Variants in ITIH2 observed in about 807,000 individuals in gnomAD.
ITIH2 encodes the protein inter-alpha-trypsin inhibitor heavy chain H2.
ITIH2 carries 103 observed loss-of-function variants against 104.4 expected under a neutral mutation model. The observed-to-expected ratio is 0.99, with a 90% CI of 0.84 to 1.16. ITIH2 has a LOEUF of 1.16. ITIH2 is among the 50% of genes most tolerant of loss of function. The pLI, the probability that ITIH2 is intolerant of heterozygous loss-of-function variation, is 0.00. For missense variants in ITIH2, 1,108 were observed against 1,162.4 expected (o/e 0.95, Z 0.68); for synonymous variants, 436 against 435.4 (o/e 1.00, Z -0.02).
chr10:7,721,599 C>T, intron 7 of ITIH2, 50 bp from the exon 8 acceptor site: 6 of 1,578,390 alleles, frequency 3.8e-6, no homozygotes, highest in Non-Finnish European at 5.2e-6. Flanking sequence ...CAGCGCCAAG[C>T]ACTGGGAAGG....
intron 20 of ITIH2, 73 bp downstream of exon 20, chr10:7,746,777 A>G: frequency 2.2e-6 from 2 of 894,746 alleles, no homozygotes; most frequent in Non-Finnish European, 3.7e-6. Context: ...AAAATAGAGG[A>G]GCAAAGAAGA....
intron 6 of ITIH2, among the ~76,000 whole-genome samples, chr10:7,718,872 G>A (rs987850190): frequency 1.6e-4 from 24 of 152,168 alleles, no homozygotes; most frequent in African/African-American, 5.1e-4. Flanking sequence ...CATCATCACC[G>A]CAGGGGAGCA....
intron 9 of ITIH2, among the ~76,000 whole-genome samples, chr10:7,725,175 GT>G (rs916870864): frequency 2.6e-5 from 4 of 152,108 alleles, no homozygotes; most frequent in African/African-American, 9.7e-5. Context: ...TTTGATAAAA[GT>G]TTTTTTAAAA....
chr10:7,743,598 A>C (rs1835147274), intron 17 of ITIH2, among the ~76,000 whole-genome samples: 1 of 151,476 alleles, frequency 6.6e-6, no homozygotes, highest in Non-Finnish European at 1.5e-5. Context: ...AAATGATGAA[A>C]CCCCACCCCC....
chr10:7,736,669 T>G (rs1213595216), intron 15 of ITIH2, among the ~76,000 whole-genome samples: 1 of 152,114 alleles, frequency 6.6e-6, no homozygotes, highest in Non-Finnish European at 1.5e-5. Flanking sequence ...TGTTTACAAA[T>G]AAGAAGTAAA....
chr10:7,736,163 T>C (rs1269204317), intron 15 of ITIH2, among the ~76,000 whole-genome samples: 1 of 152,048 alleles, frequency 6.6e-6, no homozygotes, highest in Non-Finnish European at 1.5e-5. Flanking sequence ...CCTATGAACA[T>C]GAGACGAGCC....
chr10:7,707,580 T>C (rs1048022677), intron 3 of ITIH2, among the ~76,000 whole-genome samples: 2 of 152,214 alleles, frequency 1.3e-5, no homozygotes, highest in Admixed American at 6.5e-5. Flanking sequence ...TTTTTATTTT[T>C]TTGAGACAGA....
At position 7,717,587 on chromosome 10, in the gene ITIH2, A is replaced by G. The variant is rs761278752; in HGVS notation, c.468-39A>G. 22 of 1,595,244 alleles carry G rather than the reference A, an allele frequency of 1.4e-5. 2 individuals are homozygous for G. In the South Asian group the frequency reaches 1.9e-4, roughly 14 times the overall value. ...AGATTCTGGGTCTTGCTGCTCAATC[A>G]TGTATCTGTTGACTTTTGTTGGGGG... is the stretch of plus-strand genomic sequence containing the variant. On this transcript the variant is annotated intron_variant, in intron 5 of 20. Transcript: ENST00000358415.
At chr10:7,710,696 A>C (rs746647415) in intron 4 of ITIH2, among the ~76,000 whole-genome samples, 17 of 152,210 alleles carry the variant, frequency 1.1e-4, no homozygotes, top group Non-Finnish European at 2.2e-4. Context: ...AGGCAGAAAA[A>C]GGCATTGTGT....
At chr10:7,707,655 C>T (rs1834760016) in intron 3 of ITIH2, among the ~76,000 whole-genome samples, 1 of 151,986 alleles carries the variant, frequency 6.6e-6, no homozygotes, top group Admixed American at 6.6e-5. Context: ...AACCTCTGCC[C>T]CCTGGGTTCA....
At chr10:7,717,411 G>A (rs1834860243) in intron 5 of ITIH2, among the ~76,000 whole-genome samples, 1 of 152,228 alleles carries the variant, frequency 6.6e-6, no homozygotes, top group Admixed American at 6.5e-5. Context: ...GAAGCTCTGG[G>A]AGCTGGAGAT....
intron 16 of ITIH2, among the ~76,000 whole-genome samples, 181 bp downstream of exon 16, chr10:7,738,939 A>T (rs1835099222): frequency 6.6e-6 from 1 of 152,170 alleles, no homozygotes; most frequent in Non-Finnish European, 1.5e-5. Context: ...GTTTTTAATC[A>T]TGTATTTACA....
chr10:7,732,330 T>A lies in ITIH2; in HGVS notation c.1648-8T>A. Reference sequence around the variant, plus strand: ...CAGTGTCTCTCAACTGAACCTTCCATCATCTAGGCTAACACGCAGTTAGTC... The same window carrying A: ...CAGTGTCTCTCAACTGAACCTTCCAACATCTAGGCTAACACGCAGTTAGTC... On this transcript the variant is annotated splice_polypyrimidine_tract_variant and splice_region_variant and intron_variant, in intron 13 of 20. Transcript: ENST00000358415. The A allele has an allele frequency of 6.2e-7, 1 of 1,610,260 alleles. No homozygotes were observed. The highest frequency in any genetic ancestry group is 8.5e-7 in the Non-Finnish European group (1 of 1,176,826).
At chr10:7,715,189 G>A (rs1420975923) in intron 5 of ITIH2, among the ~76,000 whole-genome samples, 1 of 152,174 alleles carries the variant, frequency 6.6e-6, no homozygotes, top group Non-Finnish European at 1.5e-5. Context: ...TTAGGAGGTC[G>A]AGGCAGGCAG....
chr10:7,727,205 G>A, intron 10 of ITIH2, 87 bp downstream of exon 10: 1 of 1,123,198 alleles, frequency 8.9e-7, no homozygotes, highest in Non-Finnish European at 1.3e-6. Flanking sequence ...CCATCACAGT[G>A]GTCTTTCCCC....
In ITIH2 at chr10:7,709,940, G is replaced by A. The variant is rs111246624; in HGVS notation, c.362+749G>A. The stretch of plus-strand genomic sequence containing the variant: ...GTGATCTCGGCTCACTGCAAGCTCC[G>A]CCTCCCGGGTTCACACCATTCTCCT... On this transcript the variant is annotated intron_variant, in intron 4 of 20. Transcript: ENST00000358415. 2.1e-3 allele frequency among the ~76,000 whole-genome samples: 322 copies of A among 152,044 alleles called. 4 individuals carry two copies. The highest frequency in any genetic ancestry group is 7.4e-3 in the African/African-American group (305 of 41,456).
In ITIH2 at chr10:7,744,185, A is replaced by G; in HGVS notation, c.2313A>G (p.Ile771Met). 5 of 1,614,124 alleles carry G rather than the reference A, an allele frequency of 3.1e-6. No individual in the cohort carries two copies. The South Asian group carries it at 5.5e-5, about 18-fold the overall frequency. The change falls in exon 18 of 21, where the codon ATA becomes ATG. Residue 771 changes from isoleucine to methionine, a missense_variant. By Grantham distance (10) the Ile-to-Met change is conservative (BLOSUM62 1). Coordinates refer to ENST00000358415, the MANE Select transcript of ITIH2 (RefSeq NM_002216.3). ...KLGFYFQSED[I>M]KIEISTETIT... Reference sequence around the variant, plus strand: ...GATTTTATTTCCAAAGTGAAGACATAAAAATAGAAATCAGCACTGAGACCA... The same window carrying G: ...GATTTTATTTCCAAAGTGAAGACATGAAAATAGAAATCAGCACTGAGACCA...
intron 14 of ITIH2, among the ~76,000 whole-genome samples, chr10:7,733,905 A>C (rs1835027093): frequency 6.6e-6 from 1 of 151,990 alleles, no homozygotes; most frequent in Non-Finnish European, 1.5e-5. Context: ...CAAGGCTGTA[A>C]ACTATGACTG....
At chr10:7,709,803 T>C (rs1018720593) in intron 4 of ITIH2, among the ~76,000 whole-genome samples, 1 of 152,196 alleles carries the variant, frequency 6.6e-6, no homozygotes. Flanking sequence ...AAAAGCTCTC[T>C]ACAAAATACA....
Sources: gnomAD v4.1 joint callset for allele counts (sites outside exome capture counted in the v4.1 genomes callset) on GRCh38, gnomAD v4.1.1 for gene constraint, MANE v1.5 for transcripts, NCBI Gene and HGNC (gene_info 2026-07-23, HGNC 2026-07-21) for gene names.